Variants in RAPGEF1 observed in about 807,000 individuals in gnomAD.
RAPGEF1 encodes the protein CRK SH3-binding GNRP.
Under a neutral mutation model 143.3 loss-of-function variants are expected in RAPGEF1, and 33 were observed. The observed-to-expected ratio is 0.23, with a 90% CI of 0.17 to 0.31. The LOEUF (loss-of-function observed/expected upper bound fraction) is 0.31, where lower values mean the gene tolerates loss of function less well. RAPGEF1 is among the 10% of genes least tolerant of loss of function. The pLI, the probability that RAPGEF1 is intolerant of heterozygous loss-of-function variation, is 1.00. For synonymous variants in RAPGEF1, 629 were observed against 676.5 expected, an observed-to-expected ratio of 0.93 and a Z score of 1.09; for missense variants, 1,199 against 1,645.4, an observed-to-expected ratio of 0.73 and a Z score of 4.69.
At chr9:131,587,636 CCTT>C (rs1953385541) in intron 22 of RAPGEF1, 97 bp downstream of exon 22, 5 of 1,092,234 alleles carry the variant, frequency 4.6e-6, no homozygotes, top group Non-Finnish European at 6.8e-6. Context: ...AGAGGCAGCT[CCTT>C]CTCCTACCAT....
At chr9:131,664,757 TATTCTA>T (rs1830160241) in intron 1 of RAPGEF1, among the ~76,000 whole-genome samples, 1 of 152,254 alleles carries the variant, frequency 6.6e-6, no homozygotes, top group African/African-American at 2.4e-5. Flanking sequence ...TTCAAAAAGA[TATTCTA>T]ATTCTTTTTT....
chr9:131,668,871 G>A (rs567519254), intron 1 of RAPGEF1, among the ~76,000 whole-genome samples: 3 of 152,344 alleles, frequency 2.0e-5, no homozygotes, highest in Non-Finnish European at 2.9e-5. Context: ...GCCCTCCCCC[G>A]GCCTTTGTCT....
chr9:131,650,352 C>A lies in RAPGEF1; in HGVS notation c.202-110G>T. ...GTTTCAACATATCTGGCTTGACTGG[C>A]CCTGCTGAGGCCACTAACTCTTGAG... On this transcript the variant is annotated intron_variant, in intron 2 of 26. Transcript: ENST00000683357. This position sits in a 1 kb window ranked among gnomAD's most constrained non-coding sequence, Gnocchi z 4.7. The A allele has an allele frequency of 1.3e-6, 1 of 785,198 alleles. No individual in the cohort carries two copies. The highest frequency in any genetic ancestry group is 2.0e-6 in the Non-Finnish European group (1 of 490,526). The allele number at this position is 785,198 out of a possible 1,614,324, so 48.6% of individuals were successfully genotyped here. A position where few individuals can be genotyped will look rare whatever the true frequency, so the allele number is the denominator to read the frequency against.
intron 1 of RAPGEF1, among the ~76,000 whole-genome samples, chr9:131,722,526 G>A (rs943390781): frequency 2.6e-5 from 4 of 152,176 alleles, no homozygotes; most frequent in Non-Finnish European, 1.5e-5. Flanking sequence ...CTAACTACGC[G>A]CCAAGCTATA....
Position 131,584,532 on chromosome 9 carries a change from T to C in RAPGEF1, c.3298A>G (p.Ile1100Val), listed in dbSNP as rs1280311083. 2 of 1,614,010 alleles carry C rather than the reference T, an allele frequency of 1.2e-6. No homozygotes were observed. Among genetic ancestry groups the C allele is most frequent in the African/African-American group, 1.3e-5 (1 of 75,054 alleles). ...GCCACCATTACCTTCATGATCTTGA[T>C]GAACTTCAAGAGCAGCCGTTCCCTG... ...QDRERLLLKF[I>V]KIMKHLRKLN... is the part of the protein sequence containing the mutation. Residue 1100 changes from isoleucine to valine, a missense_variant, in exon 23 of 27, where the codon ATC (isoleucine) becomes GTC (valine). Ile to Val is a conservative substitution (Grantham distance 29). This residue lies in a region of RAPGEF1 where 209 missense variants were observed against 403.0 expected (regional missense o/e 0.52). Transcript: ENST00000683357. The surrounding 1 kb of genome is among the most constrained non-coding windows in gnomAD (Gnocchi z 6.8).
chr9:131,642,561 C>T (rs976587273), intron 4 of RAPGEF1, among the ~76,000 whole-genome samples: 1 of 152,216 alleles, frequency 6.6e-6, no homozygotes, highest in African/African-American at 2.4e-5. Flanking sequence ...TTGCTTTAAA[C>T]CCACCAATTA....
chr9:131,665,265 A>T (rs1190248345), intron 1 of RAPGEF1, among the ~76,000 whole-genome samples: 8 of 152,194 alleles, frequency 5.3e-5, no homozygotes, highest in African/African-American at 1.9e-4. Context: ...CTTTGACCAC[A>T]TCTTGGTAAA....
rs911746413 is a variant in RAPGEF1, at chr9:131,675,031, G to C, written c.62-24082C>G. Among the ~76,000 whole-genome samples, 9 of 152,156 alleles carry C rather than the reference G, an allele frequency of 5.9e-5. No individual in the cohort carries two copies. Among genetic ancestry groups the C allele is most frequent in the Non-Finnish European group, 1.5e-5 (1 of 68,022 alleles). On this transcript the variant is annotated intron_variant, in intron 1 of 26. Coordinates refer to ENST00000683357, the MANE Select transcript of RAPGEF1 (RefSeq NM_001377935.1). The surrounding 1 kb of genome is among the most constrained non-coding windows in gnomAD (Gnocchi z 4.6). ...ACTGGGGGGTTCTGGAGGAGCAGCT[G>C]GGAGGGAGGGAGCAGAGAGAAGGCG...
intron 1 of RAPGEF1, among the ~76,000 whole-genome samples, chr9:131,682,343 C>T (rs930214987): frequency 3.9e-5 from 6 of 152,242 alleles, no homozygotes; most frequent in Non-Finnish European, 8.8e-5. Context: ...TCCCGGGCCC[C>T]GTTCTAAACC....
intron 3 of RAPGEF1, among the ~76,000 whole-genome samples, chr9:131,646,172 C>T (rs1475171584): frequency 6.6e-6 from 1 of 152,152 alleles, no homozygotes; most frequent in African/African-American, 2.4e-5. Flanking sequence ...TACAACCACC[C>T]TGTGAAGTGG....
rs748839074 is a variant in RAPGEF1 at position 131,588,822 on chromosome 9, G to A, written c.3032C>T (p.Ala1011Val). The change falls in exon 20 of 27, where the codon GCA (alanine) becomes GTA (valine). Residue 1011 changes from alanine (A) to valine (V), a missense_variant. Coordinates refer to ENST00000683357, the MANE Select transcript of RAPGEF1 (RefSeq NM_001377935.1). ...TCACCTGGCTGCTACCCCCCGGGCT[G>A]CCAGGGGCTGGCTGGAGGTGGCACA... ...LRCATSSQPL[A>V]ARGVAARPGT... 1 of 1,613,472 alleles carries A rather than the reference G, an allele frequency of 6.2e-7. No homozygotes were observed.
At chr9:131,606,140 C>G (rs1348350292) in intron 12 of RAPGEF1, among the ~76,000 whole-genome samples, 1 of 152,180 alleles carries the variant, frequency 6.6e-6, no homozygotes, top group African/African-American at 2.4e-5. Context: ...CTATACTCCC[C>G]CAGATGCTCA....
At chr9:131,661,183 A>C (rs892457019) in intron 1 of RAPGEF1, among the ~76,000 whole-genome samples, 1 of 152,234 alleles carries the variant, frequency 6.6e-6, no homozygotes, top group African/African-American at 2.4e-5. Flanking sequence ...ACCATCAGAC[A>C]TGTACCAGAA....
chr9:131,692,928 G>C (rs1833886004), intron 1 of RAPGEF1, among the ~76,000 whole-genome samples: 1 of 152,168 alleles, frequency 6.6e-6, no homozygotes. Flanking sequence ...GCTAAAACAG[G>C]TAGATTCCCC....
At chr9:131,588,290 C>T (rs1160272214) in intron 20 of RAPGEF1, among the ~76,000 whole-genome samples, 3 of 152,204 alleles carry the variant, frequency 2.0e-5, no homozygotes, top group Admixed American at 6.5e-5. Context: ...GAGTTTCCCT[C>T]GTGAGCTCAT....
At chr9:131,603,783 C>T (rs1956660459) in intron 14 of RAPGEF1, among the ~76,000 whole-genome samples, 178 bp downstream of exon 14, 2 of 152,216 alleles carry the variant, frequency 1.3e-5, no homozygotes, top group Non-Finnish European at 2.9e-5. Flanking sequence ...CACCTGGAAG[C>T]CACGTCCTCT....
chr9:131,733,520 T>C lies in RAPGEF1; in HGVS notation c.61+6250A>G, dbSNP rs1037827398. Among the ~76,000 whole-genome samples, 11 of 152,208 alleles carry C rather than the reference T, an allele frequency of 7.2e-5. No homozygotes were observed. In the East Asian group the frequency reaches 2.1e-3, roughly 29 times the overall value. The stretch of plus-strand genomic sequence containing the variant: ...GAATCACCCAAGGACACAACTAAGA[T>C]GTTCTCAAACAGATGACCAGAAACT... On this transcript the variant is annotated intron_variant, in intron 1 of 26. Coordinates refer to ENST00000683357, the MANE Select transcript of RAPGEF1 (RefSeq NM_001377935.1).
intron 1 of RAPGEF1, among the ~76,000 whole-genome samples, chr9:131,731,504 C>G (rs765533014): frequency 6.6e-6 from 1 of 152,202 alleles, no homozygotes; most frequent in South Asian, 2.1e-4. Context: ...TCACATTCCA[C>G]TGGATGTCAG....
At chr9:131,656,733 A>G (rs1972573181) in intron 1 of RAPGEF1, among the ~76,000 whole-genome samples, 1 of 152,142 alleles carries the variant, frequency 6.6e-6, no homozygotes, top group African/African-American at 2.4e-5. Flanking sequence ...TCGATCACCA[A>G]AAAACCCTCT....
Sources: gnomAD v4.1 joint callset for allele counts (sites outside exome capture counted in the v4.1 genomes callset) on GRCh38, gnomAD v4.1.1 for gene constraint, gnomAD v4.1.1 regional missense constraint, Gnocchi (gnomAD v3.1) non-coding constraint, MANE v1.5 for transcripts, NCBI Gene and HGNC (gene_info 2026-07-23, HGNC 2026-07-21) for gene names.